Variants in APOBEC1 observed in about 807,000 individuals in gnomAD.
The protein encoded by APOBEC1 is apolipoprotein B mRNA editing enzyme catalytic subunit 1.
A neutral mutation model predicts 26.3 loss-of-function variants in APOBEC1; 22 were observed. That is an observed-to-expected ratio of 0.84 (90% CI 0.60 to 1.19). The LOEUF (loss-of-function observed/expected upper bound fraction) is 1.19. APOBEC1 is among the 50% of genes most tolerant of loss of function. The pLI is 0.00. For synonymous variants in APOBEC1, 77 were observed against 95.3 expected (o/e 0.81, Z 1.12); for missense variants, 253 against 289.0 (o/e 0.88, Z 0.90).
At chr12:7,650,934 A>C in intron 4 of APOBEC1, 89 bp downstream of exon 4, 1 of 905,330 alleles carries the variant, frequency 1.1e-6, no homozygotes, top group South Asian at 1.5e-5. Context: ...AATGTCAAAA[A>C]GAAGATATGA....
chr12:7,654,727 T>C (rs1331181863), intron 1 of APOBEC1, 95 bp from the exon 2 acceptor site: 1 of 1,188,658 alleles, frequency 8.4e-7, no homozygotes, highest in Non-Finnish European at 1.2e-6. Flanking sequence ...CCAAATCATC[T>C]CAGAAAATGG....
chr12:7,650,832 G>C (rs1231370295), intron 4 of APOBEC1, among the ~76,000 whole-genome samples, 191 bp downstream of exon 4: 1 of 152,194 alleles, frequency 6.6e-6, no homozygotes, highest in Non-Finnish European at 1.5e-5. Context: ...CAAGCTTCCT[G>C]CGTAGCTGGG....
chr12:7,670,342 G>A (rs752526711), upstream of APOBEC1, among the ~76,000 whole-genome samples: 41 of 141,586 alleles, frequency 2.9e-4, 6 homozygotes, highest in Admixed American at 7.9e-4. Flanking sequence ...AGTTTTTTAC[G>A]TATTGTGGAT....
chr12:7,660,145 A>G (rs776620724), intron 1 of APOBEC1, among the ~76,000 whole-genome samples: 4 of 150,774 alleles, frequency 2.7e-5, no homozygotes, highest in African/African-American at 9.8e-5. Context: ...TCTACTAAAA[A>G]TACAAAAATT....
chr12:7,660,417 G>GAGA (rs200869333), intron 1 of APOBEC1, among the ~76,000 whole-genome samples: 41 of 67,672 alleles, frequency 6.1e-4, no homozygotes, highest in Middle Eastern at 0.011. Flanking sequence ...AGAAAGAGAG[G>GAGA]GTATTTGGGC....
intron 2 of APOBEC1, among the ~76,000 whole-genome samples, chr12:7,653,644 T>C (rs1863677171): frequency 6.6e-6 from 1 of 152,068 alleles, no homozygotes; most frequent in Non-Finnish European, 1.5e-5. Flanking sequence ...AACTTTTCTA[T>C]TTTACACCTA....
chr12:7,659,322 A>AATATATATATATATAT (rs1328982852), intron 1 of APOBEC1, among the ~76,000 whole-genome samples: 14 of 46,288 alleles, frequency 3.0e-4, no homozygotes, highest in Non-Finnish European at 4.6e-4. Context: ...AAAAAAAAAA[A>AATATATATATATATAT]ATATATATAT....
intron 1 of APOBEC1, among the ~76,000 whole-genome samples, chr12:7,656,140 A>T (rs1228666202): frequency 1.4e-5 from 2 of 147,616 alleles, no homozygotes; most frequent in South Asian, 4.3e-4. Flanking sequence ...CCTAGGCCAA[A>T]TTTTTTTTTT....
intron 2 of APOBEC1, 81 bp downstream of exon 2, chr12:7,654,524 C>G: frequency 7.1e-7 from 1 of 1,408,394 alleles, no homozygotes; most frequent in Non-Finnish European, 1.0e-6. Context: ...ATTATAGGCG[C>G]ATGTGCCACC....
At chr12:7,650,286 C>G (rs1370577366) in intron 4 of APOBEC1, among the ~76,000 whole-genome samples, 1 of 152,150 alleles carries the variant, frequency 6.6e-6, no homozygotes, top group African/African-American at 2.4e-5. Flanking sequence ...GCCTGTAGTT[C>G]TAGCTACCCA....
chr12:7,660,376 G>GAAGGACAGAAAGAA (rs1290120140), intron 1 of APOBEC1, among the ~76,000 whole-genome samples: 1 of 60,982 alleles, frequency 1.6e-5, no homozygotes, highest in Non-Finnish European at 4.1e-5. Context: ...AGGAAGGAAG[G>GAAGGACAGAAAGAA]AAAGAAAGAA....
intron 1 of APOBEC1, among the ~76,000 whole-genome samples, chr12:7,664,669 C>T (rs188619080): frequency 6.6e-6 from 1 of 152,166 alleles, no homozygotes; most frequent in Non-Finnish European, 1.5e-5. Context: ...AATCCCAGTA[C>T]TTTGGGAGGC....
At chr12:7,668,091 G>A (rs1043348791), upstream of APOBEC1, among the ~76,000 whole-genome samples, 8 of 152,200 alleles carry the variant, frequency 5.3e-5, no homozygotes, top group South Asian at 6.2e-4. Flanking sequence ...CTAATCACAG[G>A]GTCCTTATAA....
chr12:7,657,125 TA>T (rs1863726867), intron 1 of APOBEC1, among the ~76,000 whole-genome samples: 1 of 151,844 alleles, frequency 6.6e-6, no homozygotes, highest in South Asian at 2.1e-4. Context: ...ATAATACTGG[TA>T]ACATAAACAT....
At chr12:7,654,464 T>C in intron 2 of APOBEC1, 141 bp downstream of exon 2, 1 of 743,860 alleles carries the variant, frequency 1.3e-6, no homozygotes, top group Non-Finnish European at 2.3e-6. Flanking sequence ...CTTGACCTCC[T>C]GGGCTCAAGC....
chr12:7,664,104 C>T (rs966984298), intron 1 of APOBEC1, among the ~76,000 whole-genome samples: 1 of 152,134 alleles, frequency 6.6e-6, no homozygotes, highest in African/African-American at 2.4e-5. Context: ...ATCCGCCTGC[C>T]TTGACCTCCC....
In APOBEC1 at chr12:7,652,462, T is replaced by TTA. The variant is rs1187674631; in HGVS notation, c.416_417dup (p.Thr140Ter). The stretch of plus-strand genomic sequence containing the variant: ...CCTGATGCTCTCATAATCTGAATAG[T>TTA]TACTCCACTGTTAACAAGGTCCCTG... On this transcript the variant is annotated frameshift_variant, in exon 3 of 5. Coordinates refer to ENST00000229304, the MANE Select transcript of APOBEC1 (RefSeq NM_001644.5). LOFTEE classifies it high-confidence loss of function. 6.2e-7 allele frequency: 1 copy of TTA among 1,613,594 alleles called. No homozygotes were observed. Among genetic ancestry groups the TTA allele is most frequent in the African/African-American group, 1.3e-5 (1 of 75,014 alleles).
intron 2 of APOBEC1, among the ~76,000 whole-genome samples, chr12:7,653,927 C>T (rs1464161289): frequency 6.6e-6 from 1 of 152,176 alleles, no homozygotes; most frequent in Non-Finnish European, 1.5e-5. Context: ...ACTGCAGACT[C>T]TTCTTTGCAA....
At chr12:7,653,130 C>T (rs921547272) in intron 2 of APOBEC1, among the ~76,000 whole-genome samples, 4 of 152,076 alleles carry the variant, frequency 2.6e-5, no homozygotes, top group African/African-American at 9.6e-5. Context: ...CGGGGTTTCA[C>T]CATGTTGGCC....
Sources: gnomAD v4.1 joint callset for allele counts (sites outside exome capture counted in the v4.1 genomes callset) on GRCh38, gnomAD v4.1.1 for gene constraint, MANE v1.5 for transcripts, NCBI Gene and HGNC (gene_info 2026-07-23, HGNC 2026-07-21) for gene names.